MAN2A1: variants seen among roughly 807,000 people sequenced by gnomAD.
MAN2A1 encodes the protein mannosidase alpha class 2A member 1, also known as alpha-mannosidase 2.
A neutral mutation model predicts 142.6 loss-of-function variants in MAN2A1; 76 were observed. The observed-to-expected ratio is 0.53, with a 90% confidence interval of 0.44 to 0.65. MAN2A1 has a LOEUF of 0.65. Among genes scored for constraint, MAN2A1 ranks in the 30% least tolerant of loss-of-function variants. MAN2A1 has a pLI of 0.00. For synonymous variants in MAN2A1, 559 were observed against 473.2 expected, an observed-to-expected ratio of 1.18 and a Z score of -2.35; for missense variants, 1,311 against 1,365.1, an observed-to-expected ratio of 0.96 and a Z score of 0.62.
chr5:109,709,969 C>T (rs565730478), intron 1 of MAN2A1, among the ~76,000 whole-genome samples: 24 of 152,270 alleles, frequency 1.6e-4, no homozygotes, highest in Admixed American at 1.5e-3. Flanking sequence ...CAAGTGCATC[C>T]TTTTAAGGTC....
At chr5:109,834,845 C>T (rs1449912999) in intron 16 of MAN2A1, among the ~76,000 whole-genome samples, 1 of 152,078 alleles carries the variant, frequency 6.6e-6, no homozygotes, top group East Asian at 1.9e-4. Context: ...CAGAAATCGG[C>T]AGTGACTCAG....
At chr5:109,768,153 A>T (rs1315796317) in intron 6 of MAN2A1, among the ~76,000 whole-genome samples, 1 of 152,136 alleles carries the variant, frequency 6.6e-6, no homozygotes, top group African/African-American at 2.4e-5. Context: ...AACAGCCCTA[A>T]TGTCAAAATA....
At chr5:109,784,232 T>C (rs1256228723) in intron 9 of MAN2A1, among the ~76,000 whole-genome samples, 1 of 152,138 alleles carries the variant, frequency 6.6e-6, no homozygotes, top group Non-Finnish European at 1.5e-5. Context: ...AACTAACCCT[T>C]TCCCCTGAAC....
chr5:109,823,867 A>G, intron 16 of MAN2A1, 30 bp downstream of exon 16: 1 of 1,124,968 alleles, frequency 8.9e-7, no homozygotes, highest in Non-Finnish European at 1.3e-6. Flanking sequence ...GTTATGAAAC[A>G]TATGTATTAT....
In MAN2A1 at chr5:109,689,971, G is replaced by C. The variant is rs1026599283; in HGVS notation, c.-447G>C. ...TGACCTAGCTGCGCGGCCCCGGCCCGGGAGCTGCCGAACCCGCGCCTCCCC... is the reference window on the plus strand; with the variant it reads ...TGACCTAGCTGCGCGGCCCCGGCCCCGGAGCTGCCGAACCCGCGCCTCCCC... On this transcript the variant is annotated 5_prime_UTR_variant, in exon 1 of 22. Transcript: ENST00000261483. The C allele has an allele frequency of 2.9e-5, 5 of 169,986 alleles. No individual in the cohort carries two copies. Among genetic ancestry groups the C allele is most frequent in the South Asian group, 1.3e-4 (1 of 7,518 alleles). The allele number at this position is 169,986 out of a possible 1,614,324, so 10.5% of individuals were successfully genotyped here. A position where few individuals can be genotyped will look rare whatever the true frequency, so the allele number is the denominator to read the frequency against.
At chr5:109,782,898 A>G (rs960394280) in intron 9 of MAN2A1, among the ~76,000 whole-genome samples, 6 of 152,156 alleles carry the variant, frequency 3.9e-5, no homozygotes, top group African/African-American at 1.4e-4. Flanking sequence ...GTGTTTCAAA[A>G]TAACTAAAAG....
chr5:109,803,634 T>C (rs10452541), intron 12 of MAN2A1, among the ~76,000 whole-genome samples: 98,687 of 151,892 alleles, frequency 0.65, 32,776 homozygotes, highest in East Asian at 0.93. Flanking sequence ...GAAAGTACCA[T>C]GTATAATGGA....
chr5:109,836,268 C>T (rs1431884962), intron 16 of MAN2A1, among the ~76,000 whole-genome samples: 2 of 151,046 alleles, frequency 1.3e-5, no homozygotes, highest in African/African-American at 2.5e-5. Flanking sequence ...CACCACCACA[C>T]CTGGCTAATT....
At position 109,707,547 on chromosome 5, in the gene MAN2A1, A is replaced by C. The variant is rs149723712; in HGVS notation, c.136-5973A>C. ...GGGAAGCAATACATGAATAAAATAGATAATTGTAATAACACTGTGGAGGAA... is the reference window on the plus strand; with the variant it reads ...GGGAAGCAATACATGAATAAAATAGCTAATTGTAATAACACTGTGGAGGAA... On this transcript the variant is annotated intron_variant, in intron 1 of 21. Coordinates refer to ENST00000261483, the MANE Select transcript of MAN2A1 (RefSeq NM_002372.4). Among the ~76,000 whole-genome samples the C allele has an allele frequency of 1.6e-3, 237 of 152,312 alleles. 2 individuals carry two copies. Among genetic ancestry groups the C allele is most frequent in the African/African-American group, 5.5e-3 (227 of 41,552 alleles).
At chr5:109,770,003 G>A (rs996668697) in intron 6 of MAN2A1, among the ~76,000 whole-genome samples, 1 of 152,108 alleles carries the variant, frequency 6.6e-6, no homozygotes, top group Non-Finnish European at 1.5e-5. Flanking sequence ...GAACAGTTAC[G>A]GCAGGAACTG....
chr5:109,840,484 C>T, intron 16 of MAN2A1: 1 of 480,274 alleles, frequency 2.1e-6, no homozygotes, highest in South Asian at 1.6e-5. Context: ...ACCGAGAATC[C>T]AATTGGCTTG....
rs568004246 is a variant in MAN2A1 at position 109,836,313 on chromosome 5, C to T, written c.2567-6015C>T. On this transcript the variant is annotated intron_variant, in intron 16 of 21. Coordinates refer to ENST00000261483, the MANE Select transcript of MAN2A1 (RefSeq NM_002372.4). ...TTTTTTTTTAGTAAAGACAGTGTTT[C>T]GCTATGTTGGGCAGGCTGGTCTCAA... 2.2e-3 allele frequency among the ~76,000 whole-genome samples: 330 copies of T among 151,812 alleles called. 1 individual carries two copies. The highest frequency in any genetic ancestry group is 7.7e-3 in the African/African-American group (319 of 41,360).
intron 4 of MAN2A1, among the ~76,000 whole-genome samples, chr5:109,736,184 AAC>A (rs753023346): frequency 6.6e-6 from 1 of 151,842 alleles, no homozygotes; most frequent in Non-Finnish European, 1.5e-5. Context: ...TGCATGCATA[AAC>A]ACACACACAC....
At chr5:109,771,612 G>A (rs1345301900) in intron 7 of MAN2A1, among the ~76,000 whole-genome samples, 1 of 152,118 alleles carries the variant, frequency 6.6e-6, no homozygotes, top group Non-Finnish European at 1.5e-5. Context: ...GAACCACTGA[G>A]GAATTCTGAA....
chr5:109,737,291 C>T (rs1301215872), intron 4 of MAN2A1, among the ~76,000 whole-genome samples: 1 of 151,868 alleles, frequency 6.6e-6, no homozygotes, highest in Non-Finnish European at 1.5e-5. Flanking sequence ...AGGGTTTCAC[C>T]ATGTTGGCCA....
chr5:109,776,027 CTT>C (rs1229352873), intron 8 of MAN2A1, among the ~76,000 whole-genome samples: 2 of 149,840 alleles, frequency 1.3e-5, no homozygotes, highest in Non-Finnish European at 3.0e-5. Context: ...CCACTTCAAA[CTT>C]TTATCATTTG....
chr5:109,707,366 A>G (rs185535267), intron 1 of MAN2A1, among the ~76,000 whole-genome samples: 1 of 152,148 alleles, frequency 6.6e-6, no homozygotes, highest in Non-Finnish European at 1.5e-5. Context: ...AAAAAATGTT[A>G]CATGCCATTT....
In MAN2A1 at chr5:109,842,328, G is replaced by A; in HGVS notation, c.2567G>A (p.Gly856Glu). The A allele has an allele frequency of 6.5e-7, 1 of 1,528,332 alleles. No homozygotes were observed. The allele number at this position is 1,528,332 out of a possible 1,614,324, so 94.7% of individuals were successfully genotyped here. The change falls in exon 17 of 22, where the codon GGA (glycine) becomes GAA (glutamate). Residue 856 changes from glycine to glutamate, a missense_variant and splice_region_variant. Gly to Glu is a moderately conservative substitution (Grantham distance 98). This residue lies in a region of MAN2A1 where 890 missense variants were observed against 920.5 expected (regional missense o/e 0.97). Coordinates refer to ENST00000261483, the MANE Select transcript of MAN2A1 (RefSeq NM_002372.4). ...THRVRLYHIQGIEGQSVEVSN... is the reference protein window; with the variant it reads ...THRVRLYHIQEIEGQSVEVSN... ...TCCATATATATTTTTTTAAATTTAG[G>A]AATAGAAGGACAGTCTGTGGAAGTT...
At chr5:109,716,748 A>G (rs926753701) in intron 3 of MAN2A1, among the ~76,000 whole-genome samples, 1 of 152,190 alleles carries the variant, frequency 6.6e-6, no homozygotes, top group Non-Finnish European at 1.5e-5. Context: ...TGTATTTATC[A>G]GTGTTAGATG....
Sources: allele counts gnomAD v4.1 joint callset (sites outside exome capture counted in the v4.1 genomes callset), GRCh38; gene constraint gnomAD v4.1.1; regional missense constraint gnomAD v4.1.1; transcripts MANE v1.5; gene names NCBI Gene and HGNC (gene_info 2026-07-23, HGNC 2026-07-21).